Variants in EYA2 observed in about 807,000 individuals in gnomAD.
EYA2 encodes protein phosphatase EYA2.
EYA2 carries 31 observed loss-of-function variants against 69.2 expected under a neutral mutation model. The ratio of observed to expected loss-of-function variants is 0.45; its 90% CI spans 0.34 to 0.60. The LOEUF is 0.60. Ranked by LOEUF, EYA2 falls within the 20% of genes least tolerant of loss-of-function variation. The probability of loss-of-function intolerance (pLI) is 0.02; values close to 1 mark genes in which losing one functional copy is unlikely to be tolerated. For missense variants in EYA2, 622 were observed against 701.2 expected (o/e 0.89, Z 1.28); for synonymous variants, 257 against 279.4 (o/e 0.92, Z 0.80).
chr20:47,092,259 C>T (rs1031671870), intron 8 of EYA2, among the ~76,000 whole-genome samples: 1 of 152,154 alleles, frequency 6.6e-6, no homozygotes, highest in Admixed American at 6.5e-5. Flanking sequence ...TAGCCTTGAT[C>T]CATGCTAGAG....
chr20:47,142,697 T>G lies in EYA2; in HGVS notation c.889-362T>G, dbSNP rs146707435. 7.0e-3 allele frequency among the ~76,000 whole-genome samples: 1,062 copies of G among 152,314 alleles called. 48 individuals carry two copies. Among genetic ancestry groups the G allele is most frequent in the Admixed American group, 0.062 (954 of 15,300 alleles). On this transcript the variant is annotated intron_variant, in intron 9 of 15. Transcript: ENST00000327619. The stretch of plus-strand genomic sequence containing the variant: ...CCAGACCTCCCTGAAAACAAAAATG[T>G]GTTGGGGGCAACCCCTGAAAACATG...
At chr20:46,991,284 G>A (rs1362442780) in intron 2 of EYA2, among the ~76,000 whole-genome samples, 1 of 152,230 alleles carries the variant, frequency 6.6e-6, no homozygotes, top group Non-Finnish European at 1.5e-5. Context: ...GGCTGCTCAG[G>A]GGGGAATCCC....
At chr20:47,054,162 A>G (rs2146440447) in intron 5 of EYA2, among the ~76,000 whole-genome samples, 1 of 152,294 alleles carries the variant, frequency 6.6e-6, no homozygotes, top group South Asian at 2.1e-4. Context: ...GTAAGACAGA[A>G]TGGACGGGGT....
intron 1 of EYA2, among the ~76,000 whole-genome samples, chr20:46,963,061 T>A (rs1979567957): frequency 6.6e-6 from 1 of 152,242 alleles, no homozygotes; most frequent in Admixed American, 6.5e-5. Flanking sequence ...TTTTCTACAC[T>A]GACTCGCACA....
At chr20:47,131,357 C>T (rs574108657) in intron 9 of EYA2, among the ~76,000 whole-genome samples, 26 of 152,222 alleles carry the variant, frequency 1.7e-4, no homozygotes, top group Non-Finnish European at 3.2e-4. Context: ...AAACCACTGT[C>T]TAGGCGGAGG....
At chr20:46,963,742 G>A (rs1319622667) in intron 1 of EYA2, among the ~76,000 whole-genome samples, 1 of 152,276 alleles carries the variant, frequency 6.6e-6, no homozygotes, top group East Asian at 1.9e-4. Context: ...GGGGGTGGTG[G>A]TGAGGACAGG....
intron 7 of EYA2, among the ~76,000 whole-genome samples, chr20:47,079,823 C>T (rs2031649678): frequency 6.6e-6 from 1 of 152,072 alleles, no homozygotes; most frequent in African/African-American, 2.4e-5. Context: ...GGCAGAATTA[C>T]ATGGGTAATG....
intron 10 of EYA2, among the ~76,000 whole-genome samples, chr20:47,148,064 A>AAAAAAAG (rs2033744786): frequency 6.6e-6 from 1 of 151,024 alleles, no homozygotes; most frequent in African/African-American, 2.4e-5. Context: ...GTCTCAAAAA[A>AAAAAAAG]AAAAAAAAAG....
intron 9 of EYA2, among the ~76,000 whole-genome samples, chr20:47,098,948 C>T (rs2032343828): frequency 2.0e-5 from 3 of 152,224 alleles, no homozygotes; most frequent in African/African-American, 7.2e-5. Flanking sequence ...CTGCCACATT[C>T]TCTCCCATCG....
intron 1 of EYA2, among the ~76,000 whole-genome samples, chr20:46,914,981 G>A (rs971745454): frequency 6.6e-6 from 1 of 152,218 alleles, no homozygotes; most frequent in Non-Finnish European, 1.5e-5. Context: ...CATCGTGCTT[G>A]AGAGCTTTGC....
intron 10 of EYA2, among the ~76,000 whole-genome samples, chr20:47,148,347 C>G (rs1263623692): frequency 2.6e-5 from 4 of 152,180 alleles, no homozygotes; most frequent in African/African-American, 9.7e-5. Context: ...GCCTGGCATA[C>G]CTGCCCAATG....
intron 2 of EYA2, among the ~76,000 whole-genome samples, chr20:46,991,123 C>T (rs1981629876): frequency 6.6e-6 from 1 of 152,314 alleles, no homozygotes; most frequent in South Asian, 2.1e-4. Context: ...GTGTAAACTG[C>T]CCAGGGGCCT....
intron 10 of EYA2, among the ~76,000 whole-genome samples, chr20:47,157,585 C>T (rs1238277665): frequency 1.3e-5 from 2 of 151,852 alleles, no homozygotes; most frequent in Non-Finnish European, 2.9e-5. Context: ...GTGGACATTA[C>T]TAAAATCCAG....
intron 9 of EYA2, among the ~76,000 whole-genome samples, chr20:47,135,849 AC>A (rs1568800723): frequency 0.084 from 5,968 of 71,432 alleles, 148 homozygotes; most frequent in Middle Eastern, 0.13. Flanking sequence ...AAACAAACAA[AC>A]AAACAAAAAA....
At chr20:46,989,160 G>A (rs1600614647) in intron 1 of EYA2, among the ~76,000 whole-genome samples, 1 of 152,138 alleles carries the variant, frequency 6.6e-6, no homozygotes, top group African/African-American at 2.4e-5. Flanking sequence ...GAGCCAGTAT[G>A]TTCTCTCTTG....
chr20:47,124,335 T>A (rs946203807), intron 9 of EYA2, among the ~76,000 whole-genome samples: 9 of 152,232 alleles, frequency 5.9e-5, no homozygotes, highest in African/African-American at 2.2e-4. Context: ...TGGAGTCTTT[T>A]TCTAAGATGG....
intron 7 of EYA2, among the ~76,000 whole-genome samples, chr20:47,079,421 T>C (rs2031638007): frequency 6.6e-6 from 1 of 152,158 alleles, no homozygotes; most frequent in Non-Finnish European, 1.5e-5. Flanking sequence ...CCACCTGCCT[T>C]CCTTGGCTCA....
chr20:46,912,570 TAGAC>T (rs1984694154), intron 1 of EYA2, among the ~76,000 whole-genome samples: 1 of 151,894 alleles, frequency 6.6e-6, no homozygotes, highest in South Asian at 2.1e-4. Flanking sequence ...GGAAAGAAGA[TAGAC>T]AATAAAAAAG....
chr20:47,007,276 G>A (rs1159771518), intron 4 of EYA2, among the ~76,000 whole-genome samples: 2 of 152,220 alleles, frequency 1.3e-5, no homozygotes, highest in Non-Finnish European at 2.9e-5. Context: ...AGGATGCACG[G>A]CATAAAGGAA....
Sources: allele counts gnomAD v4.1 joint callset (sites outside exome capture counted in the v4.1 genomes callset), GRCh38; gene constraint gnomAD v4.1.1; transcripts MANE v1.5; gene names NCBI Gene and HGNC (gene_info 2026-07-23, HGNC 2026-07-21).